The following GSG1L variants were observed in gnomAD, a reference collection of about 807,000 sequenced individuals.
GSG1L encodes the protein GSG1 like, also known as germ cell-specific gene 1-like protein.
A neutral mutation model predicts 42.1 loss-of-function variants in GSG1L; 24 were observed. That is an observed-to-expected ratio of 0.57 (90% CI 0.41 to 0.80). The LOEUF (loss-of-function observed/expected upper bound fraction) is 0.80. Ranked by LOEUF, GSG1L falls within the 30% of genes least tolerant of loss-of-function variation. The pLI, the probability that GSG1L is intolerant of heterozygous loss-of-function variation, is 0.00. For missense variants in GSG1L, 445 were observed against 472.2 expected (o/e 0.94, Z 0.53); for synonymous variants, 215 against 203.5 (o/e 1.06, Z -0.48).
In GSG1L at chr16:27,894,606, G is replaced by A. The variant is rs939193324; in HGVS notation, c.398-9968C>T. On this transcript the variant is annotated intron_variant, in intron 2 of 6. Coordinates refer to ENST00000447459, the MANE Select transcript of GSG1L (RefSeq NM_001109763.2). ...TGTAGATGATGTGGACTGGGACCTC[G>A]GGGGCTGGCAACGTCTCTGTGGCAG... 5.9e-5 allele frequency among the ~76,000 whole-genome samples: 9 copies of A among 152,180 alleles called. No individual in the cohort carries two copies. In the South Asian group the frequency reaches 1.5e-3, roughly 25 times the overall value.
intron 5 of GSG1L, among the ~76,000 whole-genome samples, 197 bp downstream of exon 5, chr16:27,828,592 G>A (rs550230126): frequency 6.6e-5 from 10 of 152,198 alleles, no homozygotes; most frequent in Non-Finnish European, 1.5e-4. Context: ...GCAACCTCAT[G>A]ACCTATAAAA....
chr16:27,827,435 A>G (rs995854563), intron 5 of GSG1L, among the ~76,000 whole-genome samples: 2 of 152,296 alleles, frequency 1.3e-5, no homozygotes, highest in East Asian at 3.9e-4. Flanking sequence ...GCTGAGTTAA[A>G]GAGGGCAGCA....
At chr16:27,867,460 G>A (rs1401688053) in intron 3 of GSG1L, among the ~76,000 whole-genome samples, 2 of 152,230 alleles carry the variant, frequency 1.3e-5, no homozygotes, top group Non-Finnish European at 2.9e-5. Context: ...CTATGGCTCA[G>A]GGGCAGGGCA....
intron 1 of GSG1L, among the ~76,000 whole-genome samples, chr16:27,980,469 G>A (rs1330740288): frequency 6.6e-6 from 1 of 152,166 alleles, no homozygotes; most frequent in African/African-American, 2.4e-5. Flanking sequence ...CCAATAACAC[G>A]TGCTGACATG....
intron 1 of GSG1L, among the ~76,000 whole-genome samples, chr16:28,030,786 G>GA: frequency 7.1e-6 from 1 of 140,186 alleles, no homozygotes; most frequent in East Asian, 2.4e-4. Flanking sequence ...GATGGGATGG[G>GA]ATGGGATGGG....
At chr16:27,827,533 G>C (rs772973) in intron 5 of GSG1L, among the ~76,000 whole-genome samples, 1 of 151,890 alleles carries the variant, frequency 6.6e-6, no homozygotes, top group Non-Finnish European at 1.5e-5. Context: ...CTGGCCCATA[G>C]GAGCAGTTCT....
intron 2 of GSG1L, among the ~76,000 whole-genome samples, chr16:27,886,879 T>C (rs147914948): frequency 2.6e-5 from 4 of 152,194 alleles, no homozygotes; most frequent in African/African-American, 9.6e-5. Context: ...TCAATGAGAC[T>C]CAACCTCAGG....
intron 5 of GSG1L, among the ~76,000 whole-genome samples, chr16:27,823,293 G>A (rs566329711): frequency 6.6e-6 from 1 of 152,184 alleles, no homozygotes; most frequent in East Asian, 1.9e-4. Flanking sequence ...GTGCATACTG[G>A]TCCTTCCACA....
At chr16:27,969,414 T>C (rs2085168340) in intron 1 of GSG1L, among the ~76,000 whole-genome samples, 1 of 152,194 alleles carries the variant, frequency 6.6e-6, no homozygotes, top group Non-Finnish European at 1.5e-5. Flanking sequence ...ATACACTCAA[T>C]ATGATCAGAC....
At chr16:27,990,161 AT>A (rs2085439292) in intron 1 of GSG1L, among the ~76,000 whole-genome samples, 1 of 152,186 alleles carries the variant, frequency 6.6e-6, no homozygotes, top group Admixed American at 6.5e-5. Flanking sequence ...AATCATTTTT[AT>A]GACTTTTTGT....
chr16:28,044,308 AGAAAGAAG>A (rs149862431), intron 1 of GSG1L, among the ~76,000 whole-genome samples: 37,617 of 151,770 alleles, frequency 0.25, 5,114 homozygotes, highest in Non-Finnish European at 0.3. Flanking sequence ...AGAGAAAGAG[AGAAAGAAG>A]GAAAGAAGGA....
At chr16:27,950,057 T>A (rs74015174) in intron 2 of GSG1L, among the ~76,000 whole-genome samples, 1,662 of 152,346 alleles carry the variant, frequency 0.011, 35 homozygotes, top group African/African-American at 0.038. Context: ...TTGTCTTTTT[T>A]AACCCTATCT....
chr16:28,032,899 T>G (rs1052535735), intron 1 of GSG1L, among the ~76,000 whole-genome samples: 1 of 152,170 alleles, frequency 6.6e-6, no homozygotes, highest in African/African-American at 2.4e-5. Context: ...AACCCTTCAA[T>G]ATCTGCCTGC....
chr16:28,056,902 C>T (rs1017328125), intron 1 of GSG1L, among the ~76,000 whole-genome samples: 3 of 152,012 alleles, frequency 2.0e-5, no homozygotes, highest in South Asian at 4.2e-4. Context: ...GGCAGCAAGG[C>T]GGCTAATTTC....
chr16:27,808,304 C>T (rs144898983), intron 5 of GSG1L, among the ~76,000 whole-genome samples: 4 of 152,176 alleles, frequency 2.6e-5, no homozygotes, highest in African/African-American at 9.7e-5. Flanking sequence ...CCAGGCTGAT[C>T]TCAAACTCCT....
intron 3 of GSG1L, among the ~76,000 whole-genome samples, chr16:27,848,719 G>A (rs2083470396): frequency 6.6e-6 from 1 of 152,238 alleles, no homozygotes. Flanking sequence ...GGAGGTGGGG[G>A]GCACTTCAGC....
chr16:27,899,282 G>A (rs926373294), intron 2 of GSG1L, among the ~76,000 whole-genome samples: 10 of 152,218 alleles, frequency 6.6e-5, no homozygotes, highest in East Asian at 1.9e-4. Flanking sequence ...TTAAGGGCAC[G>A]GCCTGGGGAG....
At chr16:28,053,583 C>T (rs1292431791) in intron 1 of GSG1L, among the ~76,000 whole-genome samples, 1 of 152,176 alleles carries the variant, frequency 6.6e-6, no homozygotes, top group East Asian at 1.9e-4. Context: ...CCTGTAGGGG[C>T]CTCCTGGAAA....
At chr16:27,922,020 TC>T (rs1329257014) in intron 2 of GSG1L, among the ~76,000 whole-genome samples, 1 of 149,942 alleles carries the variant, frequency 6.7e-6, no homozygotes, top group East Asian at 2.0e-4. Context: ...TTTTTTGGCT[TC>T]CTGAGTCCAT....
Sources: gnomAD v4.1 joint callset for allele counts (sites outside exome capture counted in the v4.1 genomes callset) on GRCh38, gnomAD v4.1.1 for gene constraint, MANE v1.5 for transcripts, NCBI Gene and HGNC (gene_info 2026-07-23, HGNC 2026-07-21) for gene names.